The following SLC9A8 variants were observed in gnomAD, a reference collection of about 807,000 sequenced individuals.
The protein encoded by SLC9A8 is solute carrier family 9 member A8.
A neutral mutation model predicts 66.6 loss-of-function variants in SLC9A8; 48 were observed. The observed-to-expected ratio is 0.72, with a 90% CI of 0.57 to 0.92. The LOEUF is 0.92. Among genes scored for constraint, SLC9A8 ranks in the 40% least tolerant of loss-of-function variants. The probability of loss-of-function intolerance (pLI) is 0.00; values close to 1 mark genes in which losing one functional copy is unlikely to be tolerated. For synonymous variants in SLC9A8, 274 were observed against 282.6 expected, an observed-to-expected ratio of 0.97 and a Z score of 0.31; for missense variants, 599 against 747.3, an observed-to-expected ratio of 0.80 and a Z score of 2.31.
chr20:49,820,003 G>A (rs898340032), intron 2 of SLC9A8, among the ~76,000 whole-genome samples: 30 of 152,150 alleles, frequency 2.0e-4, no homozygotes, highest in African/African-American at 7.2e-4. Context: ...GTGAACATTT[G>A]TGTATAGGCT....
chr20:49,855,825 C>T (rs2088456203), intron 8 of SLC9A8, among the ~76,000 whole-genome samples: 2 of 152,126 alleles, frequency 1.3e-5, no homozygotes, highest in South Asian at 4.1e-4. Context: ...GGGTCTCGCT[C>T]TGTCACCCAA....
At position 49,863,030 on chromosome 20, in the gene SLC9A8, CA is replaced by C; in HGVS notation, c.816del (p.Ala273ArgfsTer8). On this transcript the variant is annotated frameshift_variant, in exon 9 of 16. Coordinates refer to ENST00000361573, the MANE Select transcript of SLC9A8 (RefSeq NM_015266.3). LOFTEE classifies it high-confidence loss of function. ...DYFLKMFFGS[A>X]ALGTLTGLIS... ...TTCCTCAAAATGTTCTTTGGCTCTG[CA>C]GCGCTCGGCACTCTCACTGGCTTAA... 1.2e-6 allele frequency: 2 copies of C among 1,613,908 alleles called. No individual in the cohort carries two copies. Among genetic ancestry groups the C allele is most frequent in the East Asian group, 4.5e-5 (2 of 44,882 alleles).
At chr20:49,852,873 A>T (rs1304620963) in intron 7 of SLC9A8, among the ~76,000 whole-genome samples, 2 of 151,394 alleles carry the variant, frequency 1.3e-5, no homozygotes, top group African/African-American at 2.5e-5. Flanking sequence ...TTAATTTAGA[A>T]AGTTTATTTT....
chr20:49,888,335 G>GC lies in SLC9A8; in HGVS notation c.*404dup. ...ATTCCCCAGCCACTGCCTTCATGCT[G>GC]CCCCCGCCGGACTGGCAGAGCCAGG... On this transcript the variant is annotated 3_prime_UTR_variant, in exon 16 of 16. Transcript: ENST00000361573. 5.5e-6 allele frequency: 1 copy of GC among 181,698 alleles called. No homozygotes were observed. The highest frequency in any genetic ancestry group is 1.2e-5 in the Non-Finnish European group (1 of 83,778). 11.3% of individuals were successfully genotyped at this position (181,698 alleles called of 1,614,324 possible).
intron 3 of SLC9A8, chr20:49,831,227 A>C (rs1284951747): frequency 7.8e-6 from 3 of 383,150 alleles, no homozygotes; most frequent in Non-Finnish European, 9.9e-6. Flanking sequence ...ACTTGCCATC[A>C]GCACAGCACA....
At chr20:49,884,583 A>G (rs1473971988) in intron 14 of SLC9A8, among the ~76,000 whole-genome samples, 2 of 152,098 alleles carry the variant, frequency 1.3e-5, no homozygotes, top group African/African-American at 4.8e-5. Flanking sequence ...GAGGGTTTCA[A>G]AATCCTGTCA....
At chr20:49,842,792 C>G (rs1035862587) in intron 4 of SLC9A8, among the ~76,000 whole-genome samples, 2 of 152,212 alleles carry the variant, frequency 1.3e-5, no homozygotes, top group Admixed American at 6.5e-5. Context: ...GATTTGTTTT[C>G]TCACAATTCT....
At chr20:49,821,752 T>C (rs935663573) in intron 2 of SLC9A8, among the ~76,000 whole-genome samples, 1 of 152,216 alleles carries the variant, frequency 6.6e-6, no homozygotes, top group Non-Finnish European at 1.5e-5. Flanking sequence ...GAATAATTTT[T>C]GTGAAGTACC....
At chr20:49,860,723 A>AAAT (rs374810930) in intron 8 of SLC9A8, among the ~76,000 whole-genome samples, 30 of 152,074 alleles carry the variant, frequency 2.0e-4, no homozygotes, top group Non-Finnish European at 3.4e-4. Flanking sequence ...TCCATCTCAA[A>AAAT]AATAATAATA....
chr20:49,828,940 T>C (rs1346039372), intron 3 of SLC9A8, among the ~76,000 whole-genome samples: 1 of 151,828 alleles, frequency 6.6e-6, no homozygotes, highest in East Asian at 1.9e-4. Context: ...TGTGTATGTA[T>C]GCATTTATTT....
At chr20:49,883,504 G>A (rs764162141) in intron 13 of SLC9A8, among the ~76,000 whole-genome samples, 1 of 152,140 alleles carries the variant, frequency 6.6e-6, no homozygotes, top group African/African-American at 2.4e-5. Flanking sequence ...CAGGCCTGGC[G>A]CACACACAGG....
intron 3 of SLC9A8, chr20:49,830,116 C>CT: frequency 1.3e-6 from 1 of 742,326 alleles, no homozygotes; most frequent in Non-Finnish European, 2.5e-6. Context: ...CAAGCCATCT[C>CT]TGTCTGTTAC....
Position 49,888,207 on chromosome 20 carries a change from A to G in SLC9A8, c.*271A>G. ...CCTCAGCCCACAGAGGGGAGGGAGC[A>G]TGGGGCCAGGTGCCAGTCATCTGTG... On this transcript the variant is annotated 3_prime_UTR_variant, in exon 16 of 16. Coordinates refer to ENST00000361573, the MANE Select transcript of SLC9A8 (RefSeq NM_015266.3). The G allele has an allele frequency of 2.7e-6, 1 of 369,948 alleles. No homozygotes were observed. Among genetic ancestry groups the G allele is most frequent in the Non-Finnish European group, 5.1e-6 (1 of 197,066 alleles). 22.9% of individuals were successfully genotyped at this position (369,948 alleles called of 1,614,324 possible). A position where few individuals can be genotyped will look rare whatever the true frequency, so the allele number is the denominator to read the frequency against.
chr20:49,828,379 G>A (rs968494133), intron 3 of SLC9A8, among the ~76,000 whole-genome samples: 1 of 151,374 alleles, frequency 6.6e-6, no homozygotes, highest in Non-Finnish European at 1.5e-5. Context: ...AATGCACCCC[G>A]CCTAATTTTA....
chr20:49,842,153 TCCG>T (rs1202778276), intron 4 of SLC9A8, among the ~76,000 whole-genome samples: 1 of 151,676 alleles, frequency 6.6e-6, no homozygotes, highest in Non-Finnish European at 1.5e-5. Flanking sequence ...CACTGCAACC[TCCG>T]CCTCCCAGGT....
At chr20:49,859,425 T>G (rs2088644092) in intron 8 of SLC9A8, among the ~76,000 whole-genome samples, 1 of 151,794 alleles carries the variant, frequency 6.6e-6, no homozygotes, top group Non-Finnish European at 1.5e-5. Flanking sequence ...AGGCTTATTT[T>G]CAGACAGAAG....
At chr20:49,884,134 G>A in intron 14 of SLC9A8, 68 bp downstream of exon 14, 1 of 1,389,896 alleles carries the variant, frequency 7.2e-7, no homozygotes, top group Non-Finnish European at 1.0e-6. Context: ...GGTCCCCACT[G>A]TCAGGAAATG....
rs1256582487 is a variant in SLC9A8 at position 49,892,018 on chromosome 20, G to C, written c.*4082G>C. 6.6e-6 allele frequency: 1 copy of C among 152,184 alleles called. No homozygotes were observed. The highest frequency in any genetic ancestry group is 1.5e-5 in the Non-Finnish European group (1 of 68,044). 9.4% of individuals were successfully genotyped at this position (152,184 alleles called of 1,614,324 possible). On this transcript the variant is annotated 3_prime_UTR_variant, in exon 16 of 16. Coordinates refer to ENST00000361573, the MANE Select transcript of SLC9A8 (RefSeq NM_015266.3). The stretch of plus-strand genomic sequence containing the variant: ...TTTTTCTCCCCCAAGTGAGCTGCAA[G>C]AGGCCCCTGTTAGGCCCCTGTTTCC...
intron 4 of SLC9A8, among the ~76,000 whole-genome samples, chr20:49,840,340 C>A (rs1019640342): frequency 6.6e-6 from 1 of 151,926 alleles, no homozygotes; most frequent in Non-Finnish European, 1.5e-5. Context: ...TTGAGTAGGG[C>A]GAGATTAACA....
Sources: gnomAD v4.1 joint callset for allele counts (sites outside exome capture counted in the v4.1 genomes callset) on GRCh38, gnomAD v4.1.1 for gene constraint, MANE v1.5 for transcripts, NCBI Gene and HGNC (gene_info 2026-07-23, HGNC 2026-07-21) for gene names.